The following HYCC1 variants were observed in gnomAD, a reference collection of about 807,000 sequenced individuals.
HYCC1 encodes hyccin.
chr7:22,919,378 AAT>A, the HYCC1 span, among the ~76,000 whole-genome samples: 4 of 152,074 alleles, frequency 2.6e-5, no homozygotes, highest in African/African-American at 9.7e-5. Context: ...AAAACACAAA[AAT>A]TACCCAGGTG....
the HYCC1 span, among the ~76,000 whole-genome samples, chr7:22,980,690 T>C: frequency 6.6e-5 from 10 of 152,254 alleles, no homozygotes; most frequent in African/African-American, 2.4e-4. Flanking sequence ...AAGAAAAAGA[T>C]ACGGAAAAGT....
chr7:22,991,787 C>T, the HYCC1 span, among the ~76,000 whole-genome samples: 1 of 152,074 alleles, frequency 6.6e-6, no homozygotes, highest in Admixed American at 6.5e-5. Context: ...TTTTTCTTTA[C>T]CTATCCATTT....
chr7:22,897,631 G>A, the HYCC1 span, among the ~76,000 whole-genome samples: 1 of 152,068 alleles, frequency 6.6e-6, no homozygotes, highest in Non-Finnish European at 1.5e-5. Context: ...TTGTTTGTTT[G>A]TTTGTTTGTT....
At chr7:22,967,151 T>C in the HYCC1 span, among the ~76,000 whole-genome samples, 4 of 152,220 alleles carry the variant, frequency 2.6e-5, no homozygotes, top group Admixed American at 1.3e-4. Context: ...GAGATATACA[T>C]GATGGATGTA....
chr7:22,948,293 G>C, the HYCC1 span, among the ~76,000 whole-genome samples: 2 of 151,950 alleles, frequency 1.3e-5, no homozygotes, highest in African/African-American at 4.8e-5. Flanking sequence ...AAATACTTTC[G>C]TGATAGGATT....
chr7:22,983,731 GAGAGAGAAAA>G, the HYCC1 span: 4 of 528,616 alleles, frequency 7.6e-6, no homozygotes, highest in East Asian at 6.5e-5. Context: ...TACCTCTAGC[GAGAGAGAAAA>G]AGAGAGAAAA....
chr7:23,012,482 A>G, the HYCC1 span, among the ~76,000 whole-genome samples: 1 of 152,212 alleles, frequency 6.6e-6, no homozygotes, highest in Admixed American at 6.5e-5. Context: ...AGGATAAACG[A>G]GCCAAATCCA....
At chr7:22,952,078 G>C in the HYCC1 span, among the ~76,000 whole-genome samples, 1 of 151,912 alleles carries the variant, frequency 6.6e-6, no homozygotes, top group African/African-American at 2.4e-5. Flanking sequence ...AATTTGTTGA[G>C]CACCTATAAT....
At chr7:22,993,638 T>C in the HYCC1 span, among the ~76,000 whole-genome samples, 1 of 151,946 alleles carries the variant, frequency 6.6e-6, no homozygotes, top group African/African-American at 2.4e-5. Context: ...ACTTTGTTAG[T>C]CATCAGGGAA....
At chr7:22,913,362 A>T in the HYCC1 span, among the ~76,000 whole-genome samples, 5 of 152,318 alleles carry the variant, frequency 3.3e-5, no homozygotes, top group South Asian at 1.0e-3. Flanking sequence ...ACTAGGGGAA[A>T]AGATAGTCAA....
the HYCC1 span, among the ~76,000 whole-genome samples, chr7:22,959,924 A>G: frequency 4.6e-5 from 7 of 152,244 alleles, no homozygotes; most frequent in Non-Finnish European, 1.0e-4. Flanking sequence ...AATCAGAAAT[A>G]TTAATTAAGG....
chr7:22,959,824 T>C, the HYCC1 span, among the ~76,000 whole-genome samples: 1 of 152,182 alleles, frequency 6.6e-6, no homozygotes, highest in African/African-American at 2.4e-5. Flanking sequence ...TATGGCATTC[T>C]TTACCAGAAA....
chr7:22,909,860 C>A, the HYCC1 span, among the ~76,000 whole-genome samples: 1 of 152,212 alleles, frequency 6.6e-6, no homozygotes, highest in African/African-American at 2.4e-5. Context: ...CCCCATCCCA[C>A]TCCCATTATG....
the HYCC1 span, among the ~76,000 whole-genome samples, chr7:23,010,523 G>A: frequency 6.6e-6 from 1 of 152,144 alleles, no homozygotes; most frequent in African/African-American, 2.4e-5. Context: ...GGGATAAGAG[G>A]AAAAGATTAT....
chr7:23,005,227 TG>T, the HYCC1 span, among the ~76,000 whole-genome samples: 1 of 152,186 alleles, frequency 6.6e-6, no homozygotes, highest in East Asian at 1.9e-4. Flanking sequence ...ATGCTGACTC[TG>T]GAGTCCAAAA....
chr7:22,911,490 T>C, the HYCC1 span, among the ~76,000 whole-genome samples: 6 of 152,218 alleles, frequency 3.9e-5, no homozygotes, highest in Non-Finnish European at 8.8e-5. Context: ...CCAGGCGCAG[T>C]GGCTCACGCC....
At chr7:22,970,135 T>C in the HYCC1 span, among the ~76,000 whole-genome samples, 1,350 of 152,210 alleles carry the variant, frequency 8.9e-3, 16 homozygotes, top group African/African-American at 0.03. Context: ...ACAAAGGAAA[T>C]AAAATTCCAG....
the HYCC1 span, among the ~76,000 whole-genome samples, chr7:22,926,527 C>T: frequency 6.6e-6 from 1 of 151,984 alleles, no homozygotes; most frequent in Non-Finnish European, 1.5e-5. Context: ...GGCAGGGGTT[C>T]CAATCCTAGT....
chr7:22,953,820 T>C, the HYCC1 span, among the ~76,000 whole-genome samples: 9 of 151,788 alleles, frequency 5.9e-5, no homozygotes, highest in Non-Finnish European at 4.4e-5. Flanking sequence ...GTTCCTCAAA[T>C]AGCATTTTAG....
Sources: gnomAD v4.1 joint callset for allele counts (sites outside exome capture counted in the v4.1 genomes callset) on GRCh38, gnomAD v4.1.1 for gene constraint, MANE v1.5 for transcripts, NCBI Gene and HGNC (gene_info 2026-07-23, HGNC 2026-07-21) for gene names.